Variants in RBM28 observed in about 807,000 individuals in gnomAD.
The protein encoded by RBM28 is RNA-binding protein 28.
RBM28 carries 78 observed loss-of-function variants against 98.3 expected under a neutral mutation model. The observed-to-expected ratio is 0.79, with a 90% CI of 0.66 to 0.96. The LOEUF is 0.96. Among genes scored for constraint, RBM28 ranks in the 40% least tolerant of loss-of-function variants. The probability of loss-of-function intolerance (pLI) is 0.00; values close to 1 mark genes in which losing one functional copy is unlikely to be tolerated. For synonymous variants in RBM28, 306 were observed against 330.9 expected, an observed-to-expected ratio of 0.92 and a Z score of 0.82; for missense variants, 838 against 913.0, an observed-to-expected ratio of 0.92 and a Z score of 1.06.
Position 128,307,104 on chromosome 7 carries a change from A to G in RBM28, c.*3693T>C, listed in dbSNP as rs1273774849. ...CTGAGTTGAAAAGGAGCTGGGCATC[A>G]TCAAACTGCAAACAAACTTAGCTTA... On this transcript the variant is annotated 3_prime_UTR_variant, in exon 19 of 19. Transcript: ENST00000223073. 6.6e-6 allele frequency: 1 copy of G among 152,262 alleles called. No individual in the cohort carries two copies. Among genetic ancestry groups the G allele is most frequent in the Non-Finnish European group, 1.5e-5 (1 of 68,050 alleles). The allele number at this position is 152,262 out of a possible 1,614,324, so 9.4% of individuals were successfully genotyped here.
rs200459017 is a variant in RBM28 at position 128,343,661 on chromosome 7, C to A, written c.118+15G>T. 1 of 1,594,068 alleles carries A rather than the reference C, an allele frequency of 6.3e-7. No homozygotes were observed. Among genetic ancestry groups the A allele is most frequent in the Non-Finnish European group, 8.6e-7 (1 of 1,167,020 alleles). ...CAGGAAACCCCAGCCCTATCCTCGA[C>A]CGCCCCGCCCCTACCTTTTTCAGTC... is the stretch of plus-strand genomic sequence containing the variant. On this transcript the variant is annotated intron_variant, in intron 1 of 18. Coordinates refer to ENST00000223073, the MANE Select transcript of RBM28 (RefSeq NM_018077.3).
chr7:128,314,414 T>G (rs1796060838), intron 17 of RBM28, among the ~76,000 whole-genome samples: 1 of 152,244 alleles, frequency 6.6e-6, no homozygotes, highest in South Asian at 2.1e-4. Context: ...AAATATTTTG[T>G]AAAGATTTAC....
intron 14 of RBM28, among the ~76,000 whole-genome samples, chr7:128,318,621 C>A (rs2116333413): frequency 6.6e-6 from 1 of 152,166 alleles, no homozygotes; most frequent in African/African-American, 2.4e-5. Context: ...ATTGTATTTT[C>A]TTGCTTTCTA....
rs1562944862 is a variant in RBM28 at position 128,307,105 on chromosome 7, T to C, written c.*3692A>G. 1 of 152,244 alleles carries C rather than the reference T, an allele frequency of 6.6e-6. No homozygotes were observed. The highest frequency in any genetic ancestry group is 1.5e-5 in the Non-Finnish European group (1 of 68,034). The allele number at this position is 152,244 out of a possible 1,614,324, so 9.4% of individuals were successfully genotyped here. A position where few individuals can be genotyped will look rare whatever the true frequency, so the allele number is the denominator to read the frequency against. On this transcript the variant is annotated 3_prime_UTR_variant, in exon 19 of 19. Coordinates refer to ENST00000223073, the MANE Select transcript of RBM28 (RefSeq NM_018077.3). ...TGAGTTGAAAAGGAGCTGGGCATCA[T>C]CAAACTGCAAACAAACTTAGCTTAG...
At chr7:128,325,005 A>G (rs971167422) in intron 11 of RBM28, among the ~76,000 whole-genome samples, 4 of 152,206 alleles carry the variant, frequency 2.6e-5, no homozygotes, top group South Asian at 2.1e-4. Context: ...GCGAGACTCC[A>G]CCTCAAAAAA....
chr7:128,317,095 G>A (rs1172112148), intron 16 of RBM28, among the ~76,000 whole-genome samples: 2 of 152,158 alleles, frequency 1.3e-5, no homozygotes, highest in Non-Finnish European at 2.9e-5. Flanking sequence ...ATCTCATTTA[G>A]TCCTCAGCAA....
chr7:128,333,416 CAA>C, intron 8 of RBM28, 54 bp from the exon 9 acceptor site: 1 of 1,398,046 alleles, frequency 7.2e-7, no homozygotes, highest in Non-Finnish European at 1.0e-6. Flanking sequence ...AGCCACATGA[CAA>C]AGAGCTAACT....
intron 3 of RBM28, 112 bp from the exon 4 acceptor site, chr7:128,338,913 T>A (rs1796661200): frequency 1.2e-6 from 1 of 848,102 alleles, no homozygotes; most frequent in Non-Finnish European, 1.9e-6. Context: ...TACTTTTTTT[T>A]ATTTTTGATA....
intron 16 of RBM28, among the ~76,000 whole-genome samples, chr7:128,317,145 G>C (rs1796122718): frequency 6.6e-6 from 1 of 152,172 alleles, no homozygotes; most frequent in Non-Finnish European, 1.5e-5. Flanking sequence ...TTTACAAACT[G>C]AAGTTCAGAG....
At chr7:128,342,719 G>T (rs1017763112) in intron 1 of RBM28, among the ~76,000 whole-genome samples, 1 of 151,778 alleles carries the variant, frequency 6.6e-6, no homozygotes, top group African/African-American at 2.4e-5. Flanking sequence ...TGCTACTCTA[G>T]ATCTCATCTC....
intron 12 of RBM28, 70 bp downstream of exon 12, chr7:128,324,489 C>T (rs1796302128): frequency 5.0e-6 from 8 of 1,601,442 alleles, no homozygotes; most frequent in Non-Finnish European, 6.0e-6. Context: ...TCCAGGCATA[C>T]TATTGCTTGA....
At position 128,307,696 on chromosome 7, in the gene RBM28, A is replaced by C. The variant is rs927297936; in HGVS notation, c.*3101T>G. On this transcript the variant is annotated 3_prime_UTR_variant, in exon 19 of 19. Transcript: ENST00000223073. Reference sequence around the variant, plus strand: ...AAGAACAGCTGCACATCATCTTAAGATTCCTTATTTAAAGGTTGTATCTCT... The same window carrying C: ...AAGAACAGCTGCACATCATCTTAAGCTTCCTTATTTAAAGGTTGTATCTCT... 2.6e-5 allele frequency: 4 copies of C among 152,228 alleles called. No homozygotes were observed. Among genetic ancestry groups the C allele is most frequent in the Non-Finnish European group, 4.4e-5 (3 of 68,042 alleles). The allele number at this position is 152,228 out of a possible 1,614,324, so 9.4% of individuals were successfully genotyped here. A position where few individuals can be genotyped will look rare whatever the true frequency, so the allele number is the denominator to read the frequency against.
rs571069927 is a variant in RBM28 at position 128,310,679 on chromosome 7, G to A, written c.*118C>T. 3.7e-6 allele frequency: 5 copies of A among 1,359,414 alleles called. No individual in the cohort carries two copies. The African/African-American group carries it at 7.1e-5, about 19-fold the overall frequency. The allele number at this position is 1,359,414 out of a possible 1,614,324, so 84.2% of individuals were successfully genotyped here. ...ACAGTCCAGGGCACCTCCGAGCACA[G>A]TGGCAGTGCCCTTGGGGATTTTCTT... On this transcript the variant is annotated 3_prime_UTR_variant, in exon 19 of 19. Transcript: ENST00000223073.
At chr7:128,343,108 T>A (rs1796763906) in intron 1 of RBM28, among the ~76,000 whole-genome samples, 1 of 152,216 alleles carries the variant, frequency 6.6e-6, no homozygotes, top group African/African-American at 2.4e-5. Context: ...TTTGGTGTTG[T>A]GCACTGCTGC....
intron 1 of RBM28, among the ~76,000 whole-genome samples, chr7:128,340,450 C>A (rs1344101514): frequency 1.3e-5 from 2 of 152,094 alleles, no homozygotes; most frequent in African/African-American, 4.8e-5. Flanking sequence ...TTGCAGAGTC[C>A]CCACCAACAA....
chr7:128,343,553 G>C (rs1796774247), intron 1 of RBM28, 123 bp downstream of exon 1: 1 of 672,324 alleles, frequency 1.5e-6, no homozygotes, highest in African/African-American at 1.9e-5. Flanking sequence ...GTTTGGAAAA[G>C]AAACTCAGTT....
At chr7:128,338,221 G>C in intron 5 of RBM28, 29 bp downstream of exon 5, 5 of 1,522,386 alleles carry the variant, frequency 3.3e-6, no homozygotes, top group Non-Finnish European at 4.6e-6. Flanking sequence ...GAAATATCTG[G>C]GTCAATGATA....
rs1341473680 is a variant in RBM28, at chr7:128,323,575, C to T, written c.1356G>A (p.Thr452=). Residue 452 remains threonine, a synonymous_variant, in exon 13 of 19, where the codon ACG becomes ACA. Coordinates refer to ENST00000223073, the MANE Select transcript of RBM28 (RefSeq NM_018077.3). ...LAREGLIRAG[T]KAAEGVSAAD... The stretch of plus-strand genomic sequence containing the variant: ...CAGCACTCACACCCTCTGCAGCCTT[C>T]GTCCCAGCACGAATCACTGCAGAAA... The T allele has an allele frequency of 6.2e-6, 10 of 1,614,134 alleles. No homozygotes were observed. The highest frequency in any genetic ancestry group is 7.6e-6 in the Non-Finnish European group (9 of 1,180,054).
At chr7:128,326,782 T>C (rs921959871) in intron 10 of RBM28, among the ~76,000 whole-genome samples, 5 of 152,212 alleles carry the variant, frequency 3.3e-5, no homozygotes, top group Non-Finnish European at 7.3e-5. Flanking sequence ...ATTTTATTAT[T>C]ACTTCCTTCA....
Sources: gnomAD v4.1 joint callset for allele counts (sites outside exome capture counted in the v4.1 genomes callset) on GRCh38, gnomAD v4.1.1 for gene constraint, MANE v1.5 for transcripts, NCBI Gene and HGNC (gene_info 2026-07-23, HGNC 2026-07-21) for gene names.